The following NRN1 variants were observed in gnomAD, a reference collection of about 807,000 sequenced individuals.
NRN1 encodes the protein neuritin 1.
A neutral mutation model predicts 15.0 loss-of-function variants in NRN1; 4 were observed. That is an observed-to-expected ratio of 0.27 (90% CI 0.13 to 0.61). NRN1 has a LOEUF of 0.61. Among genes scored for constraint, NRN1 ranks in the 20% least tolerant of loss-of-function variants. NRN1 has a pLI of 0.87. For missense variants in NRN1, 134 were observed against 181.9 expected, an observed-to-expected ratio of 0.74 and a Z score of 1.51; for synonymous variants, 85 against 79.8, an observed-to-expected ratio of 1.07 and a Z score of -0.35.
At chr6:5,999,231 C>G (rs3749860) in intron 2 of NRN1, 27 bp from the exon 3 acceptor site, 994,104 of 1,589,454 alleles carry the variant, frequency 0.63, 317,883 homozygotes, top group Non-Finnish European at 0.66. Flanking sequence ...CAAAACAGAA[C>G]AAGCAGGTTC....
intron 1 of NRN1, among the ~76,000 whole-genome samples, chr6:6,004,883 T>C (rs932112933): frequency 1.3e-5 from 2 of 151,992 alleles, no homozygotes; most frequent in Non-Finnish European, 2.9e-5. Context: ...TCCTGCTGCG[T>C]CTTCTTTCGT....
At chr6:6,005,116 C>G (rs897292076) in intron 1 of NRN1, among the ~76,000 whole-genome samples, 2 of 152,124 alleles carry the variant, frequency 1.3e-5, no homozygotes, top group Non-Finnish European at 2.9e-5. Context: ...CCCTCAGGCA[C>G]GACCACCGTC....
In NRN1 at chr6:5,998,695, G is replaced by T. The variant is rs1271912864; in HGVS notation, c.*281C>A. On this transcript the variant is annotated 3_prime_UTR_variant, in exon 3 of 3. Coordinates refer to ENST00000244766, the MANE Select transcript of NRN1 (RefSeq NM_016588.3). ...TTAATAATAATAAAATTAAAAAATGGGGTGGGTTTGCCGTTTTCTTATTTG... is the reference window on the plus strand; with the variant it reads ...TTAATAATAATAAAATTAAAAAATGTGGTGGGTTTGCCGTTTTCTTATTTG... 3.2e-6 allele frequency: 1 copy of T among 309,756 alleles called. No individual in the cohort carries two copies. Among genetic ancestry groups the T allele is most frequent in the Non-Finnish European group, 5.9e-6 (1 of 170,786 alleles). 19.2% of individuals were successfully genotyped at this position (309,756 alleles called of 1,614,324 possible). A position where few individuals can be genotyped will look rare whatever the true frequency, so the allele number is the denominator to read the frequency against.
intron 1 of NRN1, among the ~76,000 whole-genome samples, chr6:6,005,783 G>A (rs1339921294): frequency 6.6e-6 from 1 of 152,198 alleles, no homozygotes. Context: ...CTGACCCAGT[G>A]TCGGAGAAGG....
At chr6:6,006,303 C>T (rs1317990042) in intron 1 of NRN1, among the ~76,000 whole-genome samples, 1 of 152,192 alleles carries the variant, frequency 6.6e-6, no homozygotes, top group East Asian at 1.9e-4. Context: ...GCTGCCTAGC[C>T]ATTTTATTCC....
At chr6:6,002,529 G>T (rs776035743) in intron 1 of NRN1, 32 bp from the exon 2 acceptor site, 10 of 1,600,982 alleles carry the variant, frequency 6.2e-6, no homozygotes, top group Non-Finnish European at 7.7e-6. Flanking sequence ...GGTCAGCAGC[G>T]CCACGACCCC....
At chr6:6,001,462 T>C (rs759466147) in intron 2 of NRN1, among the ~76,000 whole-genome samples, 2 of 152,198 alleles carry the variant, frequency 1.3e-5, no homozygotes, top group African/African-American at 2.4e-5. Context: ...TCCACTGCAG[T>C]AGGGCTCTGC....
chr6:6,003,604 G>C (rs1178498643), intron 1 of NRN1: 13 of 753,054 alleles, frequency 1.7e-5, no homozygotes, highest in Middle Eastern at 3.6e-4. Context: ...GGAGGAGGAG[G>C]AGGAAACACA....
At position 6,000,497 on chromosome 6, in the gene NRN1, T is replaced by C. The variant is rs540186854; in HGVS notation, c.201-1293A>G. On this transcript the variant is annotated intron_variant, in intron 2 of 2. Coordinates refer to ENST00000244766, the MANE Select transcript of NRN1 (RefSeq NM_016588.3). ...TCACAGGCACCTGCCTTCTACATGG[T>C]TTGGTTGTATTTTCTCCTCTCTCTT... Among the ~76,000 whole-genome samples the C allele has an allele frequency of 2.0e-5, 3 of 152,092 alleles. No homozygotes were observed. In the South Asian group the frequency reaches 6.2e-4, roughly 32 times the overall value.
At chr6:6,005,691 A>T (rs1341315579) in intron 1 of NRN1, among the ~76,000 whole-genome samples, 1 of 152,236 alleles carries the variant, frequency 6.6e-6, no homozygotes, top group Non-Finnish European at 1.5e-5. Context: ...ATTCCGTTTC[A>T]GGAGTTTCTT....
At position 5,999,060 on chromosome 6, in the gene NRN1, G is replaced by C; in HGVS notation, c.345C>G (p.Asn115Lys). ...CCGGGAGCAGGGACCCCGCCGCCCC[G>C]TTGCCGCTGCCGCAGAGTTCGAATA... is the stretch of plus-strand genomic sequence containing the variant. ...GSLFELCGSG[N>K]GAAGSLLPAF... Residue 115 changes from asparagine to lysine, a missense_variant, in exon 3 of 3, where the codon AAC becomes AAG. Transcript: ENST00000244766. The C allele has an allele frequency of 6.2e-7, 1 of 1,614,078 alleles. No homozygotes were observed. Among genetic ancestry groups the C allele is most frequent in the Non-Finnish European group, 8.5e-7 (1 of 1,180,000 alleles).
At position 5,998,048 on chromosome 6, in the gene NRN1, CT is replaced by C. The variant is rs533709040; in HGVS notation, c.*927del. The C allele has an allele frequency of 5.9e-5, 9 of 152,096 alleles. No individual in the cohort carries two copies. Among genetic ancestry groups the C allele is most frequent in the Non-Finnish European group, 1.0e-4 (7 of 68,016 alleles). 9.4% of individuals were successfully genotyped at this position (152,096 alleles called of 1,614,324 possible). ...TACTTCTCTATACTTTGTAGCAAAT[CT>C]TTTTTTGCTGAATTTAATTTATAAT... is the stretch of plus-strand genomic sequence containing the variant. On this transcript the variant is annotated 3_prime_UTR_variant, in exon 3 of 3. Transcript: ENST00000244766.
At chr6:6,003,986 C>T (rs895616986) in intron 1 of NRN1, 1 of 1,217,202 alleles carries the variant, frequency 8.2e-7, no homozygotes, top group East Asian at 3.3e-5. Flanking sequence ...GCCCCCAACG[C>T]GGGCGCCTGT....
Position 5,998,722 on chromosome 6 carries a change from G to A in NRN1, c.*254C>T. On this transcript the variant is annotated 3_prime_UTR_variant, in exon 3 of 3. Transcript: ENST00000244766. ...GTGGGTTTGCCGTTTTCTTATTTGT[G>A]TGTGAAGACGGACTAAAGCTGAGGT... is the stretch of plus-strand genomic sequence containing the variant. The A allele has an allele frequency of 4.9e-6, 2 of 408,952 alleles. No individual in the cohort carries two copies. Among genetic ancestry groups the A allele is most frequent in the East Asian group, 3.8e-5 (1 of 26,610 alleles). 25.3% of individuals were successfully genotyped at this position (408,952 alleles called of 1,614,324 possible).
intron 1 of NRN1, chr6:6,003,948 C>T (rs1402142643): frequency 1.6e-6 from 2 of 1,226,094 alleles, no homozygotes; most frequent in African/African-American, 1.6e-5. Flanking sequence ...GAATGTGTCC[C>T]GGGAGGACCG....
intron 1 of NRN1, among the ~76,000 whole-genome samples, chr6:6,006,000 C>G (rs1397891965): frequency 3.3e-5 from 5 of 152,242 alleles, no homozygotes; most frequent in African/African-American, 4.8e-5. Context: ...TAACCCTTTC[C>G]TATATATAAA....
rs369353246 is a variant in NRN1, at chr6:5,999,238, G to T, written c.201-34C>A. 4.3e-5 allele frequency: 68 copies of T among 1,566,048 alleles called. No homozygotes were observed. In the African/African-American group the frequency reaches 7.4e-4, roughly 17 times the overall value. On this transcript the variant is annotated intron_variant, in intron 2 of 2. Coordinates refer to ENST00000244766, the MANE Select transcript of NRN1 (RefSeq NM_016588.3). ...GAACAGAACAAAACAGAACAAGCAGGTTCACTTGGGACGCCGGGAACACCC... is the reference window on the plus strand; with the variant it reads ...GAACAGAACAAAACAGAACAAGCAGTTTCACTTGGGACGCCGGGAACACCC...
chr6:6,004,722 C>T (rs1007860552), intron 1 of NRN1, among the ~76,000 whole-genome samples: 5 of 152,314 alleles, frequency 3.3e-5, no homozygotes, highest in African/African-American at 1.2e-4. Flanking sequence ...GGTCGCAGCC[C>T]GTGGGTCCCT....
chr6:6,006,559 T>C, intron 1 of NRN1, 136 bp downstream of exon 1: 2 of 749,588 alleles, frequency 2.7e-6, no homozygotes, highest in Non-Finnish European at 4.7e-6. Context: ...CAGGAACTGA[T>C]GCCCCCACCC....
Sources: allele counts gnomAD v4.1 joint callset (sites outside exome capture counted in the v4.1 genomes callset), GRCh38; gene constraint gnomAD v4.1.1; transcripts MANE v1.5; gene names NCBI Gene and HGNC (gene_info 2026-07-23, HGNC 2026-07-21).